PHACTR1: variants seen among roughly 807,000 people sequenced by gnomAD.
PHACTR1 encodes the protein phosphatase and actin regulator 1.
PHACTR1 carries 16 observed loss-of-function variants against 69.2 expected under a neutral mutation model. The observed-to-expected ratio is 0.23, with a 90% CI of 0.16 to 0.35. The LOEUF is 0.35. Ranked by LOEUF, PHACTR1 falls within the 10% of genes least tolerant of loss-of-function variation. PHACTR1 has a pLI of 1.00. For synonymous variants in PHACTR1, 312 were observed against 284.5 expected (o/e 1.10, Z -0.97); for missense variants, 510 against 734.7 (o/e 0.69, Z 3.54).
chr6:13,118,937 AATG>A (rs1194912848), intron 5 of PHACTR1, among the ~76,000 whole-genome samples: 2 of 152,056 alleles, frequency 1.3e-5, no homozygotes, highest in Non-Finnish European at 2.9e-5. Flanking sequence ...GTAAAATGGG[AATG>A]ATACTACTTC....
Position 13,268,431 on chromosome 6 carries a change from A to G in PHACTR1, c.1392-4429A>G, listed in dbSNP as rs560570943. Among the ~76,000 whole-genome samples, 51 of 152,336 alleles carry G rather than the reference A, an allele frequency of 3.3e-4. 1 individual carries two copies. Among genetic ancestry groups the G allele is most frequent in the Admixed American group, 1.1e-3 (17 of 15,302 alleles). On this transcript the variant is annotated intron_variant, in intron 10 of 14. Coordinates refer to ENST00000332995, the MANE Select transcript of PHACTR1 (RefSeq NM_030948.6). Reference sequence around the variant, plus strand: ...ACAAGATGTCCACATCCTCATCCCCAGATCTATGAATATGTAACGTCCCAG... The same window carrying G: ...ACAAGATGTCCACATCCTCATCCCCGGATCTATGAATATGTAACGTCCCAG...
intron 4 of PHACTR1, among the ~76,000 whole-genome samples, chr6:12,872,498 T>C (rs1782135125): frequency 1.3e-5 from 2 of 152,298 alleles, no homozygotes; most frequent in South Asian, 4.1e-4. Flanking sequence ...ACTTCTTTGC[T>C]CTTTGATTTT....
chr6:13,020,407 G>A (rs1355518114), intron 4 of PHACTR1, among the ~76,000 whole-genome samples: 2 of 152,356 alleles, frequency 1.3e-5, no homozygotes, highest in African/African-American at 4.8e-5. Context: ...GAGAGGTAAA[G>A]AATGAGTTCC....
intron 10 of PHACTR1, among the ~76,000 whole-genome samples, chr6:13,247,368 G>A (rs963278678): frequency 4.0e-5 from 4 of 100,886 alleles, no homozygotes; most frequent in African/African-American, 6.0e-5. Context: ...TGTGTGTGAC[G>A]GAGTTTCATT....
intron 14 of PHACTR1, 99 bp downstream of exon 14, chr6:13,286,321 G>A: frequency 9.8e-7 from 1 of 1,023,204 alleles, no homozygotes; most frequent in Non-Finnish European, 1.4e-6. Context: ...GTGGGTTGGA[G>A]GGTGCCATGA....
At chr6:13,209,464 GTTTGGGCC>G (rs1766464476) in intron 8 of PHACTR1, among the ~76,000 whole-genome samples, 1 of 152,204 alleles carries the variant, frequency 6.6e-6, no homozygotes, top group African/African-American at 2.4e-5. Context: ...CCGACCCCCT[GTTTGGGCC>G]ATTGCTGCCC....
chr6:13,194,606 T>A (rs1255091284), intron 7 of PHACTR1, among the ~76,000 whole-genome samples: 1 of 152,086 alleles, frequency 6.6e-6, no homozygotes, highest in African/African-American at 2.4e-5. Flanking sequence ...CCAGGGTACA[T>A]TTAATAATGG....
At chr6:13,231,029 AAG>A (rs201424900) in intron 10 of PHACTR1, among the ~76,000 whole-genome samples, 3 of 134,058 alleles carry the variant, frequency 2.2e-5, no homozygotes, top group Non-Finnish European at 1.5e-5. Context: ...GAAAGAAAGA[AAG>A]AGAGAGAGAG....
chr6:13,059,000 G>C (rs1211029935), intron 5 of PHACTR1, among the ~76,000 whole-genome samples: 1 of 152,142 alleles, frequency 6.6e-6, no homozygotes, highest in Non-Finnish European at 1.5e-5. Context: ...AATGTCTGGT[G>C]GTAGAAAAGG....
intron 4 of PHACTR1, among the ~76,000 whole-genome samples, chr6:12,832,587 G>A (rs1777702228): frequency 1.3e-5 from 2 of 151,954 alleles, no homozygotes; most frequent in South Asian, 4.2e-4. Flanking sequence ...GCTCTTTAGG[G>A]AGTCAAGAAC....
chr6:12,958,065 A>G, intron 4 of PHACTR1: 1 of 957,336 alleles, frequency 1.0e-6, no homozygotes, highest in Non-Finnish European at 1.2e-6. Flanking sequence ...AAATCATGTT[A>G]TTGCCTTTTG....
At chr6:12,891,188 G>C (rs1305598661) in intron 4 of PHACTR1, among the ~76,000 whole-genome samples, 1 of 152,014 alleles carries the variant, frequency 6.6e-6, no homozygotes, top group Admixed American at 6.6e-5. Context: ...TTCTTGGGGG[G>C]ATAATATCAC....
chr6:13,074,589 G>A (rs528912219), intron 5 of PHACTR1, among the ~76,000 whole-genome samples: 1 of 152,338 alleles, frequency 6.6e-6, no homozygotes, highest in African/African-American at 2.4e-5. Flanking sequence ...CAGATTTGAG[G>A]AAGGCCATGC....
chr6:13,071,007 C>G (rs1159347960), intron 5 of PHACTR1, among the ~76,000 whole-genome samples: 1 of 150,908 alleles, frequency 6.6e-6, no homozygotes, highest in Non-Finnish European at 1.5e-5. Flanking sequence ...AAAAAAAGGA[C>G]TGAATCAAAT....
intron 4 of PHACTR1, among the ~76,000 whole-genome samples, chr6:12,904,293 A>G (rs2127486423): frequency 6.6e-6 from 1 of 152,128 alleles, no homozygotes; most frequent in Middle Eastern, 3.4e-3. Context: ...CATGCCTGTA[A>G]CCCCAGCAAT....
intron 11 of PHACTR1, chr6:13,277,997 C>T: frequency 4.3e-6 from 1 of 232,546 alleles, no homozygotes; most frequent in Non-Finnish European, 8.6e-6. Flanking sequence ...CATTTCTCAA[C>T]CCAGCATCTC....
intron 3 of PHACTR1, among the ~76,000 whole-genome samples, chr6:12,728,658 GA>G (rs1763107247): frequency 6.6e-6 from 1 of 151,854 alleles, no homozygotes; most frequent in Admixed American, 6.6e-5. Flanking sequence ...TTATTTTGAG[GA>G]TTAAATGAAC....
intron 4 of PHACTR1, among the ~76,000 whole-genome samples, chr6:13,027,055 C>T (rs1450978940): frequency 6.6e-6 from 1 of 152,130 alleles, no homozygotes; most frequent in African/African-American, 2.4e-5. Flanking sequence ...ATAGGTATCA[C>T]AGAATTTTAA....
chr6:13,046,832 CA>C (rs1302929371), intron 4 of PHACTR1, among the ~76,000 whole-genome samples: 1 of 149,964 alleles, frequency 6.7e-6, no homozygotes. Flanking sequence ...AATCAAAAAA[CA>C]ACAACAAAAA....
Sources: allele counts gnomAD v4.1 joint callset (sites outside exome capture counted in the v4.1 genomes callset), GRCh38; gene constraint gnomAD v4.1.1; transcripts MANE v1.5; gene names NCBI Gene and HGNC (gene_info 2026-07-23, HGNC 2026-07-21).